AK9: variants seen among roughly 807,000 people sequenced by gnomAD.
AK9 encodes the protein adenylate kinase 9, also known as adenylate kinase domain containing 1.
A neutral mutation model predicts 239.6 loss-of-function variants in AK9; 191 were observed. The observed-to-expected ratio is 0.80, with a 90% confidence interval of 0.71 to 0.90. AK9 has a LOEUF of 0.90. Among genes scored for constraint, AK9 ranks in the 40% least tolerant of loss-of-function variants. The pLI, the probability that AK9 is intolerant of heterozygous loss-of-function variation, is 0.00. For synonymous variants in AK9, 689 were observed against 721.0 expected, an observed-to-expected ratio of 0.96 and a Z score of 0.71; for missense variants, 1,995 against 2,214.7, an observed-to-expected ratio of 0.90 and a Z score of 1.99.
chr6:109,506,901 T>C lies in AK9; in HGVS notation c.4482-101A>G, dbSNP rs1582754651. On this transcript the variant is annotated intron_variant, in intron 33 of 40. Coordinates refer to ENST00000424296, the MANE Select transcript of AK9 (RefSeq NM_001145128.3). ...AGTCTGTCTCTTTAGGAGTAGCTCATGATTTTCCTTATGTAACTCAATTTA... is the reference window on the plus strand; with the variant it reads ...AGTCTGTCTCTTTAGGAGTAGCTCACGATTTTCCTTATGTAACTCAATTTA... 4 of 1,401,290 alleles carry C rather than the reference T, an allele frequency of 2.9e-6. No individual in the cohort carries two copies. In the East Asian group the frequency reaches 1.0e-4, roughly 36 times the overall value. 86.8% of individuals were successfully genotyped at this position (1,401,290 alleles called of 1,614,324 possible). A position where few individuals can be genotyped will look rare whatever the true frequency, so the allele number is the denominator to read the frequency against.
At chr6:109,550,357 C>T in intron 24 of AK9, 55 bp from the exon 25 acceptor site, 2 of 1,490,958 alleles carry the variant, frequency 1.3e-6, no homozygotes, top group Non-Finnish European at 1.8e-6. Context: ...TATTTTGATG[C>T]AGATAATTTT....
At chr6:109,544,924 T>A (rs1004814584) in intron 26 of AK9, among the ~76,000 whole-genome samples, 2 of 152,224 alleles carry the variant, frequency 1.3e-5, no homozygotes, top group African/African-American at 4.8e-5. Context: ...AAATAAATGC[T>A]ATAAAACAGC....
chr6:109,532,946 T>C (rs191552144), intron 28 of AK9, among the ~76,000 whole-genome samples: 3 of 152,276 alleles, frequency 2.0e-5, no homozygotes, highest in East Asian at 3.9e-4. Flanking sequence ...AAATTTTACT[T>C]CTTTGTGTTT....
At chr6:109,604,891 C>T (rs1000918065) in intron 17 of AK9, among the ~76,000 whole-genome samples, 9 of 151,890 alleles carry the variant, frequency 5.9e-5, no homozygotes, top group Admixed American at 5.2e-4. Flanking sequence ...CATGTGGATC[C>T]TTCATCTTTA....
intron 17 of AK9, among the ~76,000 whole-genome samples, chr6:109,596,756 C>T (rs557361136): frequency 2.0e-5 from 3 of 152,292 alleles, no homozygotes; most frequent in African/African-American, 7.2e-5. Context: ...TGGATGGACA[C>T]TTAGGTTGAT....
chr6:109,627,901 C>T (rs2128262877), intron 12 of AK9, among the ~76,000 whole-genome samples: 1 of 152,316 alleles, frequency 6.6e-6, no homozygotes, highest in East Asian at 1.9e-4. Context: ...CTGCCCTCCT[C>T]AGCCTCCCAA....
intron 22 of AK9, 82 bp from the exon 23 acceptor site, chr6:109,564,362 T>G (rs898774624): frequency 9.2e-7 from 1 of 1,090,866 alleles, no homozygotes; most frequent in African/African-American, 1.6e-5. Flanking sequence ...AGCTTATACT[T>G]TGCAATTTTT....
At chr6:109,539,889 G>A (rs771009028) in intron 27 of AK9, among the ~76,000 whole-genome samples, 1 of 152,154 alleles carries the variant, frequency 6.6e-6, no homozygotes, top group African/African-American at 2.4e-5. Context: ...GTTTGCCTGG[G>A]TATCAGCAGT....
At chr6:109,545,691 G>A (rs1043115237) in intron 26 of AK9, among the ~76,000 whole-genome samples, 176 bp downstream of exon 26, 1 of 152,024 alleles carries the variant, frequency 6.6e-6, no homozygotes, top group Non-Finnish European at 1.5e-5. Flanking sequence ...TGTGAAAATG[G>A]ACTAATACAC....
At chr6:109,546,151 A>AATGGGT in intron 25 of AK9, 24 bp from the exon 26 acceptor site, 1 of 638,348 alleles carries the variant, frequency 1.6e-6, no homozygotes, top group Non-Finnish European at 2.6e-6. Flanking sequence ...TGGGTCAGGG[A>AATGGGT]GGGGTGGGAT....
chr6:109,657,672 T>C (rs1371517036), intron 7 of AK9, among the ~76,000 whole-genome samples: 1 of 151,962 alleles, frequency 6.6e-6, no homozygotes, highest in African/African-American at 2.4e-5. Flanking sequence ...TTACATTAGG[T>C]ATATCTCCTA....
intron 24 of AK9, 142 bp from the exon 25 acceptor site, chr6:109,550,444 T>G (rs1366973451): frequency 3.2e-6 from 2 of 626,496 alleles, no homozygotes; most frequent in Non-Finnish European, 5.1e-6. Flanking sequence ...TTATATTATT[T>G]TAATTAATTA....
At chr6:109,688,883 A>G (rs533705190) in intron 1 of AK9, among the ~76,000 whole-genome samples, 10 of 152,208 alleles carry the variant, frequency 6.6e-5, no homozygotes, top group African/African-American at 9.6e-5. Context: ...TGGTATGGCC[A>G]TAAACTGCTA....
At position 109,612,049 on chromosome 6, in the gene AK9, G is replaced by C. The variant is rs1229125052; in HGVS notation, c.1654C>G (p.Gln552Glu). ...AACTTTACATCTTGACTAGCATCTT[G>C]AGAATGCCTTTTAAATGTGAATGTT... is the stretch of plus-strand genomic sequence containing the variant. ...GETFTFKRHS[Q>E]DASQDVKLYS... is the part of the protein sequence containing the mutation. Residue 552 changes from glutamine to glutamate, a missense_variant, in exon 16 of 41, where the codon CAA becomes GAA. By Grantham distance (29) the Gln-to-Glu change is conservative. Around this residue, in one of 5 missense-constraint regions of AK9, gnomAD observed 1,290 missense variants for 1,392.7 expected, o/e 0.93. Transcript: ENST00000424296. 6.5e-7 allele frequency: 1 copy of C among 1,539,532 alleles called. No individual in the cohort carries two copies. The highest frequency in any genetic ancestry group is 1.4e-5 in the African/African-American group (1 of 72,572).
intron 12 of AK9, 63 bp downstream of exon 12, chr6:109,632,860 G>GACATAGAT: frequency 1.2e-6 from 1 of 846,784 alleles, no homozygotes. Flanking sequence ...ATGACAGATA[G>GACATAGAT]ACATAGATAG....
intron 5 of AK9, among the ~76,000 whole-genome samples, chr6:109,664,527 T>C (rs1349454993): frequency 6.6e-6 from 1 of 151,970 alleles, no homozygotes; most frequent in Non-Finnish European, 1.5e-5. Flanking sequence ...GGGGTTCAAG[T>C]GATTCTCCTG....
chr6:109,561,591 G>T (rs895914474), intron 24 of AK9, among the ~76,000 whole-genome samples: 3 of 152,172 alleles, frequency 2.0e-5, no homozygotes, highest in Non-Finnish European at 4.4e-5. Flanking sequence ...TGGGATTACA[G>T]GCATGAGCCA....
chr6:109,537,492 T>C (rs1372665152), intron 27 of AK9, among the ~76,000 whole-genome samples: 1 of 139,940 alleles, frequency 7.1e-6, no homozygotes, highest in African/African-American at 2.5e-5. Context: ...GATTCTTCTC[T>C]CTTTTCTTCT....
chr6:109,681,584 G>C (rs933829903), intron 1 of AK9, among the ~76,000 whole-genome samples: 1 of 152,070 alleles, frequency 6.6e-6, no homozygotes, highest in Non-Finnish European at 1.5e-5. Flanking sequence ...CTCAGCTCTG[G>C]ACCAAGCAGA....
Sources: allele counts gnomAD v4.1 joint callset (sites outside exome capture counted in the v4.1 genomes callset), GRCh38; gene constraint gnomAD v4.1.1; regional missense constraint gnomAD v4.1.1; transcripts MANE v1.5; gene names NCBI Gene and HGNC (gene_info 2026-07-23, HGNC 2026-07-21).